IL12RB1: variants seen among roughly 807,000 people sequenced by gnomAD.
IL12RB1 encodes the protein interleukin 12 receptor subunit beta 1.
In IL12RB1, 64 loss-of-function variants were observed where a neutral mutation model predicts 94.4. That is an observed-to-expected ratio of 0.68 (90% CI 0.55 to 0.83). IL12RB1 has a LOEUF of 0.83. Ranked by LOEUF, IL12RB1 falls within the 40% of genes least tolerant of loss-of-function variation. IL12RB1 has a pLI of 0.00. For missense variants in IL12RB1, 814 were observed against 855.6 expected, an observed-to-expected ratio of 0.95 and a Z score of 0.61; for synonymous variants, 362 against 355.5, an observed-to-expected ratio of 1.02 and a Z score of -0.21.
intron 9 of IL12RB1, chr19:18,070,515 C>T: frequency 1.0e-6 from 1 of 985,376 alleles, no homozygotes; most frequent in South Asian, 4.7e-5. Flanking sequence ...TCCCTCCCGC[C>T]AGGGCGTCTT....
chr19:18,061,150 G>A lies in IL12RB1; in HGVS notation c.1763C>T (p.Ser588Phe). Residue 588 changes from serine (S) to phenylalanine (F), a missense_variant, in exon 15 of 17, where the codon TCC (serine) becomes TTC (phenylalanine). Transcript: ENST00000593993. Reference sequence around the variant, plus strand: ...CTTCCCTCCAGGGAACTCAATGGCGGAGCTGGCACAGGGTGTGGGCAGCGG... The same window carrying A: ...CTTCCCTCCAGGGAACTCAATGGCGAAGCTGGCACAGGGTGTGGGCAGCGG... Reference protein sequence around the residue: ...CPPLPTPCASSAIEFPGGKET... With the variant: ...CPPLPTPCASFAIEFPGGKET... 1 of 1,602,746 alleles carries A rather than the reference G, an allele frequency of 6.2e-7. No individual in the cohort carries two copies. The highest frequency in any genetic ancestry group is 8.5e-7 in the Non-Finnish European group (1 of 1,173,334).
intron 1 of IL12RB1, among the ~76,000 whole-genome samples, chr19:18,085,081 A>T (rs1260088729): frequency 6.6e-6 from 1 of 152,112 alleles, no homozygotes; most frequent in Admixed American, 6.6e-5. Flanking sequence ...GCCCTTTGGG[A>T]TTGCCACAGT....
intron 3 of IL12RB1, among the ~76,000 whole-genome samples, chr19:18,081,800 A>G (rs897502415): frequency 2.0e-5 from 3 of 152,050 alleles, no homozygotes; most frequent in African/African-American, 7.3e-5. Context: ...AGCCTGGGCA[A>G]CAGAGCAAGA....
chr19:18,088,756 G>A (rs189890595), upstream of IL12RB1, among the ~76,000 whole-genome samples: 90 of 152,068 alleles, frequency 5.9e-4, no homozygotes, highest in African/African-American at 2.1e-3. Flanking sequence ...TGGGCTGGGT[G>A]CAGTGGTTCA....
At chr19:18,064,127 ACTCT>A in intron 12 of IL12RB1, 117 bp from the exon 13 acceptor site, 1 of 473,188 alleles carries the variant, frequency 2.1e-6, no homozygotes, top group Non-Finnish European at 3.7e-6. Flanking sequence ...TAAAATCTCT[ACTCT>A]TTCTTTCTTT....
At chr19:18,096,068 A>C (rs1002244542) in intron 1 of IL12RB1, among the ~76,000 whole-genome samples, 5 of 151,884 alleles carry the variant, frequency 3.3e-5, no homozygotes, top group Non-Finnish European at 5.9e-5. Flanking sequence ...TACAAAAAAA[A>C]CCCAAAAAAA....
Position 18,084,269 on chromosome 19 carries a change from AC to A in IL12RB1, c.65-779del, listed in dbSNP as rs552173945. Among the ~76,000 whole-genome samples the A allele has an allele frequency of 3.2e-3, 356 of 110,004 alleles. 1 individual carries two copies. Among genetic ancestry groups the A allele is most frequent in the African/African-American group, 0.011 (313 of 27,496 alleles). The allele number at this position is 110,004 out of a possible 152,430, so 72.2% of individuals were successfully genotyped here. ...CACGTATTCATCCATCCATCCATCC[AC>A]CCCCCATCCATCTATCCATCCATCC... is the stretch of plus-strand genomic sequence containing the variant. On this transcript the variant is annotated intron_variant, in intron 1 of 16. Coordinates refer to ENST00000593993, the MANE Select transcript of IL12RB1 (RefSeq NM_005535.3).
At chr19:18,089,830 G>T (rs571996399), upstream of IL12RB1, among the ~76,000 whole-genome samples, 8 of 152,208 alleles carry the variant, frequency 5.3e-5, no homozygotes, top group Non-Finnish European at 7.3e-5. Flanking sequence ...AAGAAGCCTG[G>T]CTCCGAGGGG....
At chr19:18,079,306 G>A (rs1275851825) in intron 4 of IL12RB1, among the ~76,000 whole-genome samples, 2 of 151,884 alleles carry the variant, frequency 1.3e-5, no homozygotes, top group African/African-American at 2.4e-5. Context: ...GTTTCACCAT[G>A]TTGGTCAGGC....
chr19:18,077,472 C>T, intron 5 of IL12RB1, 44 bp downstream of exon 5: 1 of 1,521,274 alleles, frequency 6.6e-7, no homozygotes. Flanking sequence ...TGAAGGTGCC[C>T]TGGAGAGGCC....
At chr19:18,079,188 C>G (rs940205766) in intron 4 of IL12RB1, among the ~76,000 whole-genome samples, 4 of 150,926 alleles carry the variant, frequency 2.7e-5, no homozygotes, top group Non-Finnish European at 5.9e-5. Context: ...ACTGTAACCT[C>G]CATACCACAG....
chr19:18,068,780 G>A (rs1431912776), intron 10 of IL12RB1, among the ~76,000 whole-genome samples: 4 of 136,776 alleles, frequency 2.9e-5, no homozygotes, highest in East Asian at 4.5e-4. Context: ...ATGGAGTCTC[G>A]CTGTGTCACC....
chr19:18,098,402 C>A (rs2146705502), intron 1 of IL12RB1, among the ~76,000 whole-genome samples: 1 of 152,262 alleles, frequency 6.6e-6, no homozygotes, highest in South Asian at 2.1e-4. Context: ...TCTCTTACGG[C>A]ACAAGGCGCT....
Position 18,069,573 on chromosome 19 carries a change from G to C in IL12RB1, c.1162C>G (p.Pro388Ala). The change falls in exon 10 of 17, where the codon CCG (proline) becomes GCG (alanine). Residue 388 changes from proline to alanine, a missense_variant. Transcript: ENST00000593993. ...GGLATCSLTA[P>A]QDPDPAGMAT... ...ATTCCAGCCGGATCCGGGTCTTGCG[G>C]CGCAGTCAGGCTGCAGGTGGCAAGG... 6.2e-7 allele frequency: 1 copy of C among 1,611,064 alleles called. No homozygotes were observed. The highest frequency in any genetic ancestry group is 8.5e-7 in the Non-Finnish European group (1 of 1,179,806).
In IL12RB1 at chr19:18,082,274, A is replaced by C. The variant is rs775373402; in HGVS notation, c.125-10T>G. 6.5e-7 allele frequency: 1 copy of C among 1,546,170 alleles called. No individual in the cohort carries two copies. Reference sequence around the variant, plus strand: ...GGGCCCGAGGCCGAGCCTGGAAGAGATCCTGTAGGCTTGGGAACAGACCAG... The same window carrying C: ...GGGCCCGAGGCCGAGCCTGGAAGAGCTCCTGTAGGCTTGGGAACAGACCAG... On this transcript the variant is annotated splice_polypyrimidine_tract_variant and intron_variant, in intron 2 of 16. Transcript: ENST00000593993.
chr19:18,090,181 T>A (rs947748274), upstream of IL12RB1, among the ~76,000 whole-genome samples: 1 of 152,110 alleles, frequency 6.6e-6, no homozygotes, highest in African/African-American at 2.4e-5. Flanking sequence ...GGCAACATGG[T>A]GAGACTCCAT....
chr19:18,082,075 G>A, intron 3 of IL12RB1, 75 bp downstream of exon 3: 2 of 869,518 alleles, frequency 2.3e-6, no homozygotes, highest in Non-Finnish European at 3.9e-6. Flanking sequence ...GCATCCGAGA[G>A]TAGGGGCACC....
At position 18,059,455 on chromosome 19, in the gene IL12RB1, T is replaced by TC. The variant is rs3833286; in HGVS notation, c.*152dup. On this transcript the variant is annotated 3_prime_UTR_variant, in exon 17 of 17. Transcript: ENST00000593993. ...TCCATTTCATGGCAGCATCTAGGGT[T>TC]CCCCCGCAGGATGGGTGGCAACAGG... The TC allele has an allele frequency of 0.49, 342,361 of 692,622 alleles. 87,296 individuals carry two copies. Among genetic ancestry groups the TC allele is most frequent in the African/African-American group, 0.61 (34,522 of 56,828 alleles). 42.9% of individuals were successfully genotyped at this position (692,622 alleles called of 1,614,324 possible).
intron 1 of IL12RB1, among the ~76,000 whole-genome samples, chr19:18,094,812 A>G (rs1460987954): frequency 1.3e-5 from 2 of 150,750 alleles, no homozygotes; most frequent in African/African-American, 4.9e-5. Flanking sequence ...AAACAAAACA[A>G]CCCAAAACAT....
Sources: allele counts gnomAD v4.1 joint callset (sites outside exome capture counted in the v4.1 genomes callset), GRCh38; gene constraint gnomAD v4.1.1; transcripts MANE v1.5; gene names NCBI Gene and HGNC (gene_info 2026-07-23, HGNC 2026-07-21).